Variants in RB1 observed in about 807,000 individuals in gnomAD.
The protein encoded by RB1 is RB transcriptional corepressor 1.
In RB1, 18 loss-of-function variants were observed where a neutral mutation model predicts 135.4. The ratio of observed to expected loss-of-function variants is 0.13; its 90% CI spans 0.09 to 0.20. RB1 has a LOEUF of 0.20. RB1 is among the 10% of genes least tolerant of loss of function. The pLI, the probability that RB1 is intolerant of heterozygous loss-of-function variation, is 1.00. For missense variants in RB1, 868 were observed against 1,110.0 expected (o/e 0.78, Z 3.10); for synonymous variants, 365 against 373.2 (o/e 0.98, Z 0.25).
Position 48,480,603 on chromosome 13 carries a change from G to C in RB1, c.*532G>C, listed in dbSNP as rs1006111060. On this transcript the variant is annotated 3_prime_UTR_variant, in exon 27 of 27. Coordinates refer to ENST00000267163, the MANE Select transcript of RB1 (RefSeq NM_000321.3). ...CAAAAATGGATATTATTAGAAATTA[G>C]AAAAAAATTACTAATTTTACACATT... 2 of 226,098 alleles carry C rather than the reference G, an allele frequency of 8.8e-6. No homozygotes were observed. The highest frequency in any genetic ancestry group is 4.5e-5 in the African/African-American group (2 of 44,890). The allele number at this position is 226,098 out of a possible 1,614,324, so 14.0% of individuals were successfully genotyped here.
chr13:48,354,725 T>C (rs912611066), intron 6 of RB1, among the ~76,000 whole-genome samples: 1 of 152,100 alleles, frequency 6.6e-6, no homozygotes, highest in Non-Finnish European at 1.5e-5. Context: ...AGCAGATACA[T>C]AGACCAGTGG....
chr13:48,450,792 A>G (rs953669811), intron 17 of RB1, among the ~76,000 whole-genome samples: 5 of 152,102 alleles, frequency 3.3e-5, no homozygotes, highest in African/African-American at 1.2e-4. Flanking sequence ...GTCTTACAAT[A>G]TTGATTCTTT....
chr13:48,304,687 G>GT (rs1175833400), intron 1 of RB1, among the ~76,000 whole-genome samples: 6 of 152,164 alleles, frequency 3.9e-5, no homozygotes, highest in African/African-American at 1.4e-4. Flanking sequence ...TTGATGGAGC[G>GT]TAACTCTTTA....
Position 48,328,403 on chromosome 13 carries a change from A to G in RB1, c.265-14196A>G, listed in dbSNP as rs962051134. 5.1e-5 allele frequency: 75 copies of G among 1,459,946 alleles called. No homozygotes were observed. The East Asian group carries it at 7.3e-4, about 14-fold the overall frequency. The allele number at this position is 1,459,946 out of a possible 1,614,324, so 90.4% of individuals were successfully genotyped here. A position where few individuals can be genotyped will look rare whatever the true frequency, so the allele number is the denominator to read the frequency against. On this transcript the variant is annotated intron_variant, in intron 2 of 26. Coordinates refer to ENST00000267163, the MANE Select transcript of RB1 (RefSeq NM_000321.3). ...TCGTCTGACTACCTATGGCAAATCC[A>G]AAGTTGGAGATCTTTGCAGGCTTTG... is the stretch of plus-strand genomic sequence containing the variant.
chr13:48,377,107 T>C (rs1371040315), intron 13 of RB1, 73 bp downstream of exon 13: 2 of 1,412,034 alleles, frequency 1.4e-6, no homozygotes, highest in Non-Finnish European at 2.0e-6. Context: ...CCAGTTCGTA[T>C]AAATACTCTA....
chr13:48,478,190 G>C (rs543345189), intron 26 of RB1, among the ~76,000 whole-genome samples: 44 of 152,126 alleles, frequency 2.9e-4, no homozygotes, highest in Non-Finnish European at 5.6e-4. Context: ...CTAGGTCACA[G>C]GACACACTAA....
At chr13:48,440,030 T>A (rs183308706) in intron 17 of RB1, among the ~76,000 whole-genome samples, 2 of 152,038 alleles carry the variant, frequency 1.3e-5, no homozygotes, top group East Asian at 3.9e-4. Flanking sequence ...AGGAATAGGG[T>A]AGGAAGGAGA....
intron 17 of RB1, among the ~76,000 whole-genome samples, chr13:48,383,230 ATTG>A (rs1207323995): frequency 6.6e-6 from 1 of 152,062 alleles, no homozygotes; most frequent in Non-Finnish European, 1.5e-5. Flanking sequence ...AATGTATACT[ATTG>A]TTCAATTATA....
intron 11 of RB1, among the ~76,000 whole-genome samples, chr13:48,372,706 C>T (rs1453308056): frequency 1.3e-5 from 2 of 151,786 alleles, no homozygotes; most frequent in Non-Finnish European, 2.9e-5. Flanking sequence ...CTGGTTTAGA[C>T]ATGCTTAGCT....
chr13:48,316,979 G>T, intron 2 of RB1: 2 of 430,124 alleles, frequency 4.6e-6, no homozygotes, highest in African/African-American at 2.1e-5. Context: ...CCCTATCGAT[G>T]ACCCTTCGTC....
chr13:48,417,606 C>A (rs990927430), intron 17 of RB1, among the ~76,000 whole-genome samples: 1 of 152,064 alleles, frequency 6.6e-6, no homozygotes, highest in Non-Finnish European at 1.5e-5. Context: ...GGACCATGTT[C>A]TAACCCAATG....
chr13:48,412,630 A>C, intron 17 of RB1: 2 of 598,698 alleles, frequency 3.3e-6, no homozygotes, highest in Non-Finnish European at 6.1e-6. Context: ...GTTCTTCAAC[A>C]GGAAAATATT....
At chr13:48,322,217 T>C (rs1952248554) in intron 2 of RB1, among the ~76,000 whole-genome samples, 1 of 152,242 alleles carries the variant, frequency 6.6e-6, no homozygotes, top group African/African-American at 2.4e-5. Flanking sequence ...ACCTGTGTTG[T>C]GGCAAGTGAC....
intron 2 of RB1, among the ~76,000 whole-genome samples, chr13:48,309,439 T>C (rs917204710): frequency 6.6e-6 from 1 of 152,190 alleles, no homozygotes; most frequent in Non-Finnish European, 1.5e-5. Flanking sequence ...GAATTGAACA[T>C]AGTCTCACAT....
chr13:48,308,115 G>A lies in RB1; in HGVS notation c.264+709G>A, dbSNP rs960979518. ...TATATTCCTTTCATTTTTTCTTTGC[G>A]TAAGTATAGATGTATATGTTTAATA... On this transcript the variant is annotated intron_variant, in intron 2 of 26. Transcript: ENST00000267163. Among the ~76,000 whole-genome samples, 32 of 151,518 alleles carry A rather than the reference G, an allele frequency of 2.1e-4. 2 individuals are homozygous for A. Among genetic ancestry groups the A allele is most frequent in the Middle Eastern group, 3.4e-3 (1 of 294 alleles).
intron 17 of RB1, among the ~76,000 whole-genome samples, chr13:48,430,133 TAG>T (rs903754627): frequency 6.6e-6 from 1 of 152,206 alleles, no homozygotes. Context: ...AGATTATTAT[TAG>T]ACTTTTAACA....
intron 17 of RB1, among the ~76,000 whole-genome samples, chr13:48,441,562 GT>G (rs975233464): frequency 5.9e-5 from 9 of 152,268 alleles, no homozygotes; most frequent in Admixed American, 2.0e-4. Flanking sequence ...GGAACTTGGA[GT>G]AGGTCCACCT....
intron 12 of RB1, among the ~76,000 whole-genome samples, chr13:48,376,311 G>A (rs1272889443): frequency 6.6e-6 from 1 of 152,018 alleles, no homozygotes; most frequent in Non-Finnish European, 1.5e-5. Flanking sequence ...GACCAGGCTG[G>A]TCAACATGGC....
intron 17 of RB1, among the ~76,000 whole-genome samples, chr13:48,414,223 T>C (rs1948868732): frequency 6.6e-6 from 1 of 151,908 alleles, no homozygotes; most frequent in Non-Finnish European, 1.5e-5. Context: ...AGTGCGTGCC[T>C]GTAGTCCCAG....
Sources: allele counts gnomAD v4.1 joint callset (sites outside exome capture counted in the v4.1 genomes callset), GRCh38; gene constraint gnomAD v4.1.1; transcripts MANE v1.5; gene names NCBI Gene and HGNC (gene_info 2026-07-23, HGNC 2026-07-21).